The following PTPRD variants were observed in gnomAD, a reference collection of about 807,000 sequenced individuals.
PTPRD encodes receptor-type tyrosine-protein phosphatase delta.
PTPRD carries 34 observed loss-of-function variants against 214.5 expected under a neutral mutation model. The observed-to-expected ratio is 0.16, with a 90% confidence interval of 0.12 to 0.21. The LOEUF is 0.21. Ranked by LOEUF, PTPRD falls within the 10% of genes least tolerant of loss-of-function variation. The pLI is 1.00. For missense variants in PTPRD, 2,545 were observed against 2,398.7 expected (o/e 1.06, Z -1.27); for synonymous variants, 1,128 against 845.7 (o/e 1.33, Z -5.79).
intron 14 of PTPRD, among the ~76,000 whole-genome samples, chr9:8,618,233 A>G (rs183921155): frequency 6.2e-4 from 94 of 152,250 alleles, no homozygotes; most frequent in Non-Finnish European, 5.9e-5. Context: ...GGGGCCATAG[A>G]AAAAGGAATA....
At chr9:9,620,276 A>G (rs1200914169) in intron 7 of PTPRD, among the ~76,000 whole-genome samples, 1 of 152,174 alleles carries the variant, frequency 6.6e-6, no homozygotes, top group Non-Finnish European at 1.5e-5. Flanking sequence ...CGATACCTAC[A>G]TTTATCTAGA....
At chr9:10,489,239 T>C (rs888206241) in intron 2 of PTPRD, among the ~76,000 whole-genome samples, 2 of 152,150 alleles carry the variant, frequency 1.3e-5, no homozygotes, top group African/African-American at 4.8e-5. Context: ...CCTGGGTGTG[T>C]CTAGAAATGT....
chr9:8,770,067 G>C (rs1411267553), intron 11 of PTPRD, among the ~76,000 whole-genome samples: 1 of 152,114 alleles, frequency 6.6e-6, no homozygotes, highest in Non-Finnish European at 1.5e-5. Flanking sequence ...GATCACCTGA[G>C]GTCAGGAGTT....
rs10977730 is a variant in PTPRD at position 9,401,248 on chromosome 9, C to T, written c.-236-3766G>A. ...TATCACTGAAATACATACATGCATA[C>T]ATAATAATCTCTGTCTCTATTACAC... On this transcript the variant is annotated intron_variant, in intron 8 of 45. Coordinates refer to ENST00000381196, the MANE Select transcript of PTPRD (RefSeq NM_002839.4). Among the ~76,000 whole-genome samples, 5 of 152,178 alleles carry T rather than the reference C, an allele frequency of 3.3e-5. No individual in the cohort carries two copies. In the East Asian group the frequency reaches 9.7e-4, roughly 29 times the overall value.
At chr9:8,331,870 A>ATAGAAAC (rs1272109357) in intron 43 of PTPRD, 134 bp from the exon 44 acceptor site, 1 of 1,043,538 alleles carries the variant, frequency 9.6e-7, no homozygotes, top group Non-Finnish European at 1.3e-6. Context: ...ACATGTTTAA[A>ATAGAAAC]TAGAAACTTA....
chr9:10,429,258 A>C (rs1049533004), intron 2 of PTPRD, among the ~76,000 whole-genome samples: 1 of 151,938 alleles, frequency 6.6e-6, no homozygotes, highest in Non-Finnish European at 1.5e-5. Context: ...TACAGCCACT[A>C]TGGAAAAAAA....
chr9:9,466,442 C>A (rs2094162027), intron 8 of PTPRD, among the ~76,000 whole-genome samples: 2 of 152,066 alleles, frequency 1.3e-5, no homozygotes, highest in South Asian at 4.1e-4. Flanking sequence ...CTGCAGAGTA[C>A]AAATCACTGT....
chr9:10,200,914 A>C (rs1309704904), intron 3 of PTPRD, among the ~76,000 whole-genome samples: 2 of 152,108 alleles, frequency 1.3e-5, no homozygotes, highest in Admixed American at 1.3e-4. Context: ...TTTTTGGTAA[A>C]TAAAAACAAG....
chr9:8,595,826 G>C (rs961086954), intron 14 of PTPRD, among the ~76,000 whole-genome samples: 1 of 152,096 alleles, frequency 6.6e-6, no homozygotes, highest in African/African-American at 2.4e-5. Context: ...CATGTGTGTT[G>C]ACTTTTAAAA....
intron 2 of PTPRD, among the ~76,000 whole-genome samples, chr9:10,530,493 A>C (rs2055896972): frequency 6.6e-6 from 1 of 152,138 alleles, no homozygotes; most frequent in Admixed American, 6.6e-5. Flanking sequence ...CACACTTACC[A>C]CGTTTTGAAT....
At chr9:8,783,423 T>A (rs1172930265) in intron 11 of PTPRD, among the ~76,000 whole-genome samples, 2 of 152,234 alleles carry the variant, frequency 1.3e-5, no homozygotes, top group East Asian at 3.8e-4. Flanking sequence ...TTTTGCTACA[T>A]GATGGATGCT....
intron 5 of PTPRD, among the ~76,000 whole-genome samples, chr9:9,880,883 G>A (rs2068464447): frequency 6.6e-6 from 1 of 151,776 alleles, no homozygotes; most frequent in South Asian, 2.1e-4. Flanking sequence ...ACTGACTTTT[G>A]GTTGTTTTAT....
rs371272918 is a variant in PTPRD, at chr9:8,401,264, A to C, written c.4210+3273T>G. Among the ~76,000 whole-genome samples, 5 of 152,116 alleles carry C rather than the reference A, an allele frequency of 3.3e-5. No individual in the cohort carries two copies. In the East Asian group the frequency reaches 9.7e-4, roughly 29 times the overall value. Reference sequence around the variant, plus strand: ...ACTGCAAACTCCACCTCCCAGGCTCAAGCAACCCTCCCACCTCAGCCTCCT... The same window carrying C: ...ACTGCAAACTCCACCTCCCAGGCTCCAGCAACCCTCCCACCTCAGCCTCCT... On this transcript the variant is annotated intron_variant, in intron 36 of 45. Transcript: ENST00000381196.
intron 9 of PTPRD, among the ~76,000 whole-genome samples, chr9:9,307,199 G>A (rs1178877368): frequency 1.3e-5 from 2 of 152,138 alleles, no homozygotes; most frequent in African/African-American, 4.8e-5. Context: ...GCTGAAAATT[G>A]TTTGGATGGA....
At chr9:10,082,657 G>A (rs1197093415) in intron 3 of PTPRD, among the ~76,000 whole-genome samples, 3 of 151,890 alleles carry the variant, frequency 2.0e-5, no homozygotes, top group Non-Finnish European at 4.4e-5. Context: ...AATGATGCCT[G>A]ATCCCTAGTA....
In PTPRD at chr9:8,484,605, G is replaced by GATATATATATATATATATATATATATAT. The variant is rs1392070274; in HGVS notation, c.3154-228_3154-227insATATATATATATATATATATATATATAT. Among the ~76,000 whole-genome samples the GATATATATATATATATATATATATATAT allele has an allele frequency of 8.2e-5, 10 of 121,414 alleles. 1 individual carries two copies. Among genetic ancestry groups the GATATATATATATATATATATATATATAT allele is most frequent in the African/African-American group, 3.6e-4 (10 of 27,682 alleles). 79.7% of individuals were successfully genotyped at this position (121,414 alleles called of 152,430 possible). On this transcript the variant is annotated intron_variant, in intron 29 of 45. Coordinates refer to ENST00000381196, the MANE Select transcript of PTPRD (RefSeq NM_002839.4). ...TCCAAGTCTATCAAAAATACACAAA[G>GATATATATATATATATATATATATATAT]ATAGATATATACATATATATATATA...
At chr9:10,556,262 T>C (rs754389355) in intron 2 of PTPRD, among the ~76,000 whole-genome samples, 68 of 151,914 alleles carry the variant, frequency 4.5e-4, no homozygotes, top group Admixed American at 3.9e-4. Context: ...CTATACAAAA[T>C]GTTAGGTAGA....
At chr9:10,205,294 T>C (rs1285923515) in intron 3 of PTPRD, among the ~76,000 whole-genome samples, 1 of 151,960 alleles carries the variant, frequency 6.6e-6, no homozygotes, top group Admixed American at 6.6e-5. Flanking sequence ...GAACAGAAAA[T>C]TTGAAAAGGT....
chr9:10,594,079 CTTATT>C (rs1280238224), intron 2 of PTPRD, among the ~76,000 whole-genome samples: 1 of 151,970 alleles, frequency 6.6e-6, no homozygotes, highest in African/African-American at 2.4e-5. Context: ...ATCTTTTCTA[CTTATT>C]TTAAATCATT....
Sources: gnomAD v4.1 joint callset for allele counts (sites outside exome capture counted in the v4.1 genomes callset) on GRCh38, gnomAD v4.1.1 for gene constraint, MANE v1.5 for transcripts, NCBI Gene and HGNC (gene_info 2026-07-23, HGNC 2026-07-21) for gene names.